ARIH2: variants seen among roughly 807,000 people sequenced by gnomAD.
ARIH2 encodes E3 ubiquitin-protein ligase ARIH2.
ARIH2 carries 12 observed loss-of-function variants against 79.8 expected under a neutral mutation model. That is an observed-to-expected ratio of 0.15 (90% CI 0.10 to 0.24). The LOEUF (loss-of-function observed/expected upper bound fraction) is 0.24, where lower values mean the gene tolerates loss of function less well. Ranked by LOEUF, ARIH2 falls within the 10% of genes least tolerant of loss-of-function variation. The pLI, the probability that ARIH2 is intolerant of heterozygous loss-of-function variation, is 1.00. For missense variants in ARIH2, 301 were observed against 618.3 expected (o/e 0.49, Z 5.44); for synonymous variants, 224 against 213.9 (o/e 1.05, Z -0.41).
chr3:48,944,990 C>A, intron 3 of ARIH2: 1 of 548,576 alleles, frequency 1.8e-6, no homozygotes, highest in Non-Finnish European at 3.0e-6. Flanking sequence ...AGTGAGTGAC[C>A]ACTAGTGTTT....
At chr3:48,973,644 A>T in intron 8 of ARIH2, 55 bp from the exon 9 acceptor site, 1 of 1,360,008 alleles carries the variant, frequency 7.4e-7, no homozygotes, top group South Asian at 1.2e-5. Context: ...GAAAATTTTG[A>T]ACATGGGACC....
chr3:48,940,808 A>AAAAAATATATAT (rs759369585), intron 3 of ARIH2, among the ~76,000 whole-genome samples: 3 of 98,066 alleles, frequency 3.1e-5, no homozygotes, highest in African/African-American at 1.2e-4. Context: ...AAAAAAAAAA[A>AAAAAATATATAT]ATATATATAT....
chr3:48,940,794 C>CAAAAAA lies in ARIH2; in HGVS notation c.255+12991_255+12996dup, dbSNP rs761364123. 1.2e-3 allele frequency among the ~76,000 whole-genome samples: 80 copies of CAAAAAA among 68,410 alleles called. 2 individuals carry two copies. The highest frequency in any genetic ancestry group is 5.7e-3 in the African/African-American group (72 of 12,652). The allele number at this position is 68,410 out of a possible 152,430, so 44.9% of individuals were successfully genotyped here. A position where few individuals can be genotyped will look rare whatever the true frequency, so the allele number is the denominator to read the frequency against. ...TGGGTGATAAAGGGAGACTCCGTCT[C>CAAAAAA]AAAAAAAAAAAAAAATATATATATA... On this transcript the variant is annotated intron_variant, in intron 3 of 15. Transcript: ENST00000356401.
At chr3:48,935,327 G>A (rs2086961701) in intron 3 of ARIH2, among the ~76,000 whole-genome samples, 1 of 152,170 alleles carries the variant, frequency 6.6e-6, no homozygotes, top group South Asian at 2.1e-4. Context: ...CTTTTTTCAT[G>A]TATATTTCAA....
Position 48,967,144 on chromosome 3 carries a change from C to A in ARIH2, c.407C>A (p.Pro136His). 1.9e-6 allele frequency: 3 copies of A among 1,614,044 alleles called. No homozygotes were observed. The highest frequency in any genetic ancestry group is 1.7e-6 in the Non-Finnish European group (2 of 1,179,962). Residue 136 changes from proline (P) to histidine (H), a missense_variant, in exon 6 of 16, where the codon CCT (proline) becomes CAT (histidine). Transcript: ENST00000356401. ...CTCCAGGTTCCCACATCCCATCCCC[C>A]TCACCACTGTGCAGTGTGTATGCAG... ...PSKHVPTSHPPHHCAVCMQFV... is the reference protein window; with the variant it reads ...PSKHVPTSHPHHHCAVCMQFV...
At chr3:48,955,004 C>G (rs1036846613) in intron 3 of ARIH2, among the ~76,000 whole-genome samples, 9 of 152,136 alleles carry the variant, frequency 5.9e-5, no homozygotes, top group Non-Finnish European at 1.3e-4. Context: ...TCGAGACCAG[C>G]CTGGCCAACA....
At chr3:48,967,372 A>G (rs2091873764) in intron 6 of ARIH2, 97 bp downstream of exon 6, 3 of 1,368,130 alleles carry the variant, frequency 2.2e-6, no homozygotes, top group Non-Finnish European at 3.0e-6. Context: ...TTTTCTTCTG[A>G]GCCTGATTGG....
chr3:48,972,477 C>T (rs1329012172), intron 8 of ARIH2, among the ~76,000 whole-genome samples: 7 of 152,078 alleles, frequency 4.6e-5, no homozygotes, highest in Non-Finnish European at 8.8e-5. Flanking sequence ...AATCATGTCT[C>T]TACTAAAGAT....
rs1303275770 is a variant in ARIH2 at position 48,985,547 on chromosome 3, C to T, written c.*2277C>T. ...TAAGTTTCTGATTATAAAAATGTGTCTAGAGTCTTTCTTCATGGGGTCTAG... is the reference window on the plus strand; with the variant it reads ...TAAGTTTCTGATTATAAAAATGTGTTTAGAGTCTTTCTTCATGGGGTCTAG... On this transcript the variant is annotated 3_prime_UTR_variant, in exon 16 of 16. Coordinates refer to ENST00000356401, the MANE Select transcript of ARIH2 (RefSeq NM_006321.4). 1 of 152,198 alleles carries T rather than the reference C, an allele frequency of 6.6e-6. No homozygotes were observed. The highest frequency in any genetic ancestry group is 6.5e-5 in the Admixed American group (1 of 15,270). The allele number at this position is 152,198 out of a possible 1,614,324, so 9.4% of individuals were successfully genotyped here.
At chr3:48,953,207 G>A (rs2090165182) in intron 3 of ARIH2, among the ~76,000 whole-genome samples, 1 of 152,222 alleles carries the variant, frequency 6.6e-6, no homozygotes, top group South Asian at 2.1e-4. Flanking sequence ...TGGCATTACA[G>A]GTGTAAGCCA....
chr3:48,927,926 A>C, intron 3 of ARIH2, 113 bp downstream of exon 3: 1 of 1,296,548 alleles, frequency 7.7e-7, no homozygotes, highest in Non-Finnish European at 1.1e-6. Context: ...CTTGAAACCA[A>C]ATTTAAGTGT....
At chr3:48,972,129 G>A (rs1276516120) in intron 8 of ARIH2, among the ~76,000 whole-genome samples, 1 of 152,212 alleles carries the variant, frequency 6.6e-6, no homozygotes, top group African/African-American at 2.4e-5. Flanking sequence ...GAGCTAAGGA[G>A]TCCTTCTCAG....
intron 8 of ARIH2, 86 bp from the exon 9 acceptor site, chr3:48,973,613 A>T: frequency 1.2e-5 from 10 of 852,244 alleles, no homozygotes; most frequent in African/African-American, 1.7e-5. Context: ...CTAATTCATG[A>T]TTTGTTGGCT....
chr3:48,958,571 G>A (rs1044021636), intron 3 of ARIH2, among the ~76,000 whole-genome samples: 3 of 151,990 alleles, frequency 2.0e-5, no homozygotes, highest in South Asian at 2.1e-4. Context: ...TTAGCTGGGC[G>A]TGGTGGCGGG....
intron 3 of ARIH2, among the ~76,000 whole-genome samples, chr3:48,930,225 A>C (rs568742822): frequency 1.1e-3 from 167 of 152,352 alleles, no homozygotes; most frequent in Non-Finnish European, 1.2e-3. Flanking sequence ...AGCTTGCTTA[A>C]GAGTAAAGGA....
chr3:48,980,910 A>G (rs937953449), intron 13 of ARIH2, among the ~76,000 whole-genome samples: 2 of 147,950 alleles, frequency 1.4e-5, no homozygotes, highest in Non-Finnish European at 3.0e-5. Flanking sequence ...AGTTCCAGCT[A>G]CTTGGGAGGC....
chr3:48,927,408 G>A, intron 2 of ARIH2, 54 bp from the exon 3 acceptor site: 2 of 958,966 alleles, frequency 2.1e-6, no homozygotes, highest in Non-Finnish European at 3.0e-6. Flanking sequence ...AATGGTTTCT[G>A]TTACAACTTG....
chr3:48,981,527 A>G (rs574182765), intron 13 of ARIH2, 133 bp from the exon 14 acceptor site: 4 of 563,636 alleles, frequency 7.1e-6, no homozygotes, highest in South Asian at 6.9e-5. Context: ...TTGGCCTAGT[A>G]TCATTTCTTT....
chr3:48,975,949 C>T (rs2092473407), intron 11 of ARIH2, among the ~76,000 whole-genome samples: 1 of 151,820 alleles, frequency 6.6e-6, no homozygotes, highest in Non-Finnish European at 1.5e-5. Context: ...CTCAGTCTGT[C>T]GCCCAGGCTG....
Sources: gnomAD v4.1 joint callset for allele counts (sites outside exome capture counted in the v4.1 genomes callset) on GRCh38, gnomAD v4.1.1 for gene constraint, MANE v1.5 for transcripts, NCBI Gene and HGNC (gene_info 2026-07-23, HGNC 2026-07-21) for gene names.